Variants in AGBL3 observed in about 807,000 individuals in gnomAD.
AGBL3 encodes AGBL carboxypeptidase 3, also known as cytosolic carboxypeptidase 3.
In AGBL3, 68 loss-of-function variants were observed where a neutral mutation model predicts 94.5. That is an observed-to-expected ratio of 0.72 (90% CI 0.59 to 0.88). The LOEUF (loss-of-function observed/expected upper bound fraction) is 0.88, where lower values mean the gene tolerates loss of function less well. Among genes scored for constraint, AGBL3 ranks in the 40% least tolerant of loss-of-function variants. The pLI is 0.00. For synonymous variants in AGBL3, 354 were observed against 370.7 expected (o/e 0.95, Z 0.52); for missense variants, 934 against 1,103.8 (o/e 0.85, Z 2.18).
chr7:135,001,298 C>T (rs1257490971), intron 4 of AGBL3, among the ~76,000 whole-genome samples: 1 of 152,100 alleles, frequency 6.6e-6, no homozygotes, highest in Non-Finnish European at 1.5e-5. Flanking sequence ...CAAAGAGTCC[C>T]AGAAAAGCTT....
intron 16 of AGBL3, chr7:135,128,686 T>G (rs1828303072): frequency 7.7e-7 from 1 of 1,294,916 alleles, no homozygotes; most frequent in South Asian, 1.2e-5. Flanking sequence ...CTGAATATTG[T>G]CTCTCCTTTT....
chr7:135,006,483 C>A (rs1391571447), intron 4 of AGBL3, among the ~76,000 whole-genome samples: 2 of 151,864 alleles, frequency 1.3e-5, no homozygotes, highest in African/African-American at 2.4e-5. Context: ...GAGTGCAGGG[C>A]CTTATACTCC....
intron 1 of AGBL3, among the ~76,000 whole-genome samples, chr7:134,987,674 C>G (rs1809644811): frequency 6.6e-6 from 1 of 151,986 alleles, no homozygotes; most frequent in Non-Finnish European, 1.5e-5. Flanking sequence ...CTTGATTTGT[C>G]TTATTGTGGT....
intron 16 of AGBL3, among the ~76,000 whole-genome samples, chr7:135,120,917 G>A (rs1319517905): frequency 6.6e-6 from 1 of 152,132 alleles, no homozygotes; most frequent in South Asian, 2.1e-4. Flanking sequence ...TAAAATCACA[G>A]AACTGGCTGG....
chr7:135,065,794 A>G (rs1166607405), intron 12 of AGBL3, among the ~76,000 whole-genome samples: 3 of 152,176 alleles, frequency 2.0e-5, no homozygotes, highest in African/African-American at 4.8e-5. Flanking sequence ...CAGGAGGCTG[A>G]GGTGGGAGGA....
intron 15 of AGBL3, among the ~76,000 whole-genome samples, chr7:135,084,302 T>C (rs2116871298): frequency 6.6e-6 from 1 of 152,276 alleles, no homozygotes; most frequent in South Asian, 2.1e-4. Context: ...CAAATTGAGG[T>C]AATTAGCATC....
intron 12 of AGBL3, among the ~76,000 whole-genome samples, chr7:135,066,442 C>G (rs1003680236): frequency 6.6e-6 from 1 of 152,128 alleles, no homozygotes; most frequent in Non-Finnish European, 1.5e-5. Flanking sequence ...CATCTCACAC[C>G]TGCTTGGTCA....
intron 9 of AGBL3, among the ~76,000 whole-genome samples, chr7:135,044,494 T>TG (rs1442193970): frequency 6.6e-6 from 1 of 152,112 alleles, no homozygotes; most frequent in East Asian, 1.9e-4. Flanking sequence ...AATGGACTTT[T>TG]GGGGGTCAAT....
intron 3 of AGBL3, among the ~76,000 whole-genome samples, chr7:134,992,904 T>A (rs1167287202): frequency 6.6e-6 from 1 of 152,188 alleles, no homozygotes; most frequent in African/African-American, 2.4e-5. Flanking sequence ...CCAGGAAATG[T>A]ATCATAAGAG....
At chr7:135,055,722 C>G (rs762767713) in intron 11 of AGBL3, among the ~76,000 whole-genome samples, 5 of 152,056 alleles carry the variant, frequency 3.3e-5, no homozygotes, top group Admixed American at 6.5e-5. Context: ...TGTAGTTTTT[C>G]TTTCTTACAG....
chr7:134,996,870 TGGTCAGG>T (rs1271881543), intron 4 of AGBL3, among the ~76,000 whole-genome samples: 1 of 152,176 alleles, frequency 6.6e-6, no homozygotes, highest in Non-Finnish European at 1.5e-5. Flanking sequence ...TTTATGAGTG[TGGTCAGG>T]GGTCCTCAAG....
chr7:135,049,304 G>C (rs184585228), intron 11 of AGBL3, among the ~76,000 whole-genome samples: 21 of 152,012 alleles, frequency 1.4e-4, no homozygotes, highest in Non-Finnish European at 5.9e-5. Flanking sequence ...TCCTTTTAAT[G>C]TGTTGTTACA....
Position 135,083,056 on chromosome 7 carries a change from C to CT in AGBL3, c.2110+1272dup, listed in dbSNP as rs910451092. Among the ~76,000 whole-genome samples, 289 of 152,154 alleles carry CT rather than the reference C, an allele frequency of 1.9e-3. 1 individual carries two copies. Among genetic ancestry groups the CT allele is most frequent in the African/African-American group, 6.7e-3 (277 of 41,510 alleles). On this transcript the variant is annotated intron_variant, in intron 15 of 16. Transcript: ENST00000436302. ...TCCAGCTACAAATCTGATTGGTATC[C>CT]TTTTTTCTCGCTTTCACTTCTGTCC...
At chr7:135,064,996 A>G (rs1216707524) in intron 12 of AGBL3, among the ~76,000 whole-genome samples, 2 of 152,112 alleles carry the variant, frequency 1.3e-5, no homozygotes, top group African/African-American at 4.8e-5. Flanking sequence ...GGTTGGTTCC[A>G]TTCTCAGACA....
At chr7:135,003,458 T>C (rs1811978990) in intron 4 of AGBL3, among the ~76,000 whole-genome samples, 1 of 152,034 alleles carries the variant, frequency 6.6e-6, no homozygotes, top group African/African-American at 2.4e-5. Flanking sequence ...TGCCTTATTA[T>C]GTCTCTATAT....
rs1473369140 is a variant in AGBL3 at position 134,986,709 on chromosome 7, GAAGT to G, written c.-60+12_-60+15del. 2 of 152,452 alleles carry G rather than the reference GAAGT, an allele frequency of 1.3e-5. No homozygotes were observed. The highest frequency in any genetic ancestry group is 4.8e-5 in the African/African-American group (2 of 41,484). The allele number at this position is 152,452 out of a possible 1,614,324, so 9.4% of individuals were successfully genotyped here. ...CCCCGACAGGACGGTGAGGTATGCA[GAAGT>G]AAGGCGGGGCGCCCCCTGCGGGAAG... is the stretch of plus-strand genomic sequence containing the variant. On this transcript the variant is annotated intron_variant, in intron 1 of 16. Transcript: ENST00000436302.
intron 7 of AGBL3, among the ~76,000 whole-genome samples, chr7:135,037,062 G>A (rs1243458225): frequency 1.3e-5 from 2 of 152,148 alleles, no homozygotes; most frequent in Non-Finnish European, 2.9e-5. Flanking sequence ...TGGGATTACA[G>A]GCATGTGCCG....
At chr7:135,116,596 C>G (rs1371197388) in intron 16 of AGBL3, among the ~76,000 whole-genome samples, 1 of 152,088 alleles carries the variant, frequency 6.6e-6, no homozygotes, top group Non-Finnish European at 1.5e-5. Flanking sequence ...CCAATGACAC[C>G]CTGGGGGAGG....
chr7:135,115,670 G>A, intron 16 of AGBL3, 59 bp downstream of exon 16: 31 of 1,333,050 alleles, frequency 2.3e-5, no homozygotes, highest in Non-Finnish European at 3.0e-5. Flanking sequence ...TAAAAAAGCA[G>A]GGCTTATTAA....
Sources: allele counts gnomAD v4.1 joint callset (sites outside exome capture counted in the v4.1 genomes callset), GRCh38; gene constraint gnomAD v4.1.1; transcripts MANE v1.5; gene names NCBI Gene and HGNC (gene_info 2026-07-23, HGNC 2026-07-21).